Variants in GIGYF2 observed in about 807,000 individuals in gnomAD.
The protein encoded by GIGYF2 is GRB10-interacting GYF protein 2.
Under a neutral mutation model 208.1 loss-of-function variants are expected in GIGYF2, and 25 were observed. The ratio of observed to expected loss-of-function variants is 0.12; its 90% CI spans 0.09 to 0.17. The LOEUF is 0.17. GIGYF2 is among the 10% of genes least tolerant of loss of function. GIGYF2 has a pLI of 1.00. For synonymous variants in GIGYF2, 534 were observed against 543.8 expected, an observed-to-expected ratio of 0.98 and a Z score of 0.25; for missense variants, 1,302 against 1,579.4, an observed-to-expected ratio of 0.82 and a Z score of 2.98.
At chr2:232,827,040 A>G (rs954011335) in intron 21 of GIGYF2, among the ~76,000 whole-genome samples, 1 of 152,154 alleles carries the variant, frequency 6.6e-6, no homozygotes, top group Non-Finnish European at 1.5e-5. Context: ...GATATCATCT[A>G]GGACTTTCTT....
chr2:232,747,131 A>C (rs1698178167), intron 3 of GIGYF2, among the ~76,000 whole-genome samples: 1 of 152,238 alleles, frequency 6.6e-6, no homozygotes, highest in African/African-American at 2.4e-5. Flanking sequence ...CAAATAGATA[A>C]TTAAATAATT....
chr2:232,745,204 A>C (rs1698105728), intron 3 of GIGYF2, among the ~76,000 whole-genome samples: 1 of 152,178 alleles, frequency 6.6e-6, no homozygotes, highest in African/African-American at 2.4e-5. Context: ...ATGACCTCCA[A>C]GCCCAAGAAT....
intron 8 of GIGYF2, among the ~76,000 whole-genome samples, chr2:232,771,918 G>A (rs1270905014): frequency 6.6e-6 from 1 of 152,150 alleles, no homozygotes; most frequent in African/African-American, 2.4e-5. Context: ...GCTTACATTT[G>A]TGGTAAGCTT....
In GIGYF2 at chr2:232,806,733, A is replaced by G. The variant is rs1042098678; in HGVS notation, c.1806+76A>G. The G allele has an allele frequency of 7.2e-6, 7 of 973,092 alleles. No individual in the cohort carries two copies. Among genetic ancestry groups the G allele is most frequent in the Non-Finnish European group, 1.2e-5 (7 of 598,180 alleles). 60.3% of individuals were successfully genotyped at this position (973,092 alleles called of 1,614,324 possible). A position where few individuals can be genotyped will look rare whatever the true frequency, so the allele number is the denominator to read the frequency against. Reference sequence around the variant, plus strand: ...GATTCTCTTTGAAAACACAACCCAAATATATCATCTAATGAAGGAATTGTA... The same window carrying G: ...GATTCTCTTTGAAAACACAACCCAAGTATATCATCTAATGAAGGAATTGTA... On this transcript the variant is annotated intron_variant, in intron 15 of 28. Transcript: ENST00000373563. The surrounding 1 kb of genome is among the most constrained non-coding windows in gnomAD (Gnocchi z 4.0).
chr2:232,759,053 C>T (rs1515961), intron 6 of GIGYF2, among the ~76,000 whole-genome samples: 2 of 151,854 alleles, frequency 1.3e-5, no homozygotes, highest in African/African-American at 4.8e-5. Flanking sequence ...TACTTGCACT[C>T]GTCAAGAGGG....
At chr2:232,841,326 C>T (rs982469236) in intron 23 of GIGYF2, among the ~76,000 whole-genome samples, 9 of 151,988 alleles carry the variant, frequency 5.9e-5, no homozygotes, top group Admixed American at 4.6e-4. Context: ...GACTGAGGCT[C>T]GCTCTGTCAC....
intron 16 of GIGYF2, chr2:232,811,004 A>AT (rs973460676): frequency 1.5e-4 from 70 of 462,148 alleles, no homozygotes; most frequent in African/African-American, 1.3e-3. Context: ...TGAATTGTGA[A>AT]TTTTTTTGCT....
At chr2:232,707,129 A>G (rs573560852) in intron 2 of GIGYF2, among the ~76,000 whole-genome samples, 1 of 152,276 alleles carries the variant, frequency 6.6e-6, no homozygotes, top group South Asian at 2.1e-4. Flanking sequence ...AAGGAGAAGG[A>G]GAAATGTTTA....
chr2:232,846,115 A>G (rs758130220), intron 26 of GIGYF2, among the ~76,000 whole-genome samples: 13 of 152,234 alleles, frequency 8.5e-5, no homozygotes, highest in Non-Finnish European at 1.8e-4. Flanking sequence ...ATGCCATCTT[A>G]GACTGCCTTA....
At chr2:232,725,264 A>G (rs1024738538) in intron 2 of GIGYF2, among the ~76,000 whole-genome samples, 31 of 152,214 alleles carry the variant, frequency 2.0e-4, no homozygotes, top group African/African-American at 7.5e-4. Flanking sequence ...TATGAAATGC[A>G]AAGACTTTTG....
At chr2:232,785,286 G>A (rs1242236922) in intron 8 of GIGYF2, among the ~76,000 whole-genome samples, 2 of 152,140 alleles carry the variant, frequency 1.3e-5, no homozygotes, top group African/African-American at 2.4e-5. Flanking sequence ...GTTTCTGTGG[G>A]TTGGGAATCT....
intron 18 of GIGYF2, among the ~76,000 whole-genome samples, chr2:232,813,711 C>T (rs1700814006): frequency 6.6e-6 from 1 of 152,116 alleles, no homozygotes; most frequent in African/African-American, 2.4e-5. Context: ...GGATGATTGT[C>T]TTCCCTCATC....
chr2:232,786,049 C>T (rs1010058190), intron 8 of GIGYF2, among the ~76,000 whole-genome samples: 8 of 152,150 alleles, frequency 5.3e-5, no homozygotes, highest in Non-Finnish European at 1.2e-4. Flanking sequence ...AATTTGTTTG[C>T]ACAATTTAGA....
intron 8 of GIGYF2, chr2:232,761,711 T>C: frequency 3.5e-6 from 1 of 286,944 alleles, no homozygotes; most frequent in Non-Finnish European, 6.6e-6. Context: ...CTTTTTCTAG[T>C]GTAGATAGCA....
rs141944135 is a variant in GIGYF2, at chr2:232,745,543, C to G, written c.42-2072C>G. ...TACTGTTGGACACTGTTGGAAGGTG[C>G]AAGTGAACCTAGTCGTTATTTTGAA... On this transcript the variant is annotated intron_variant, in intron 3 of 28. Coordinates refer to ENST00000373563, the MANE Select transcript of GIGYF2 (RefSeq NM_001103146.3). Among the ~76,000 whole-genome samples the G allele has an allele frequency of 3.0e-3, 458 of 152,264 alleles. 1 individual carries two copies. The highest frequency in any genetic ancestry group is 0.011 in the African/African-American group (443 of 41,558).
intron 28 of GIGYF2, among the ~76,000 whole-genome samples, chr2:232,854,267 C>T (rs1313335999): frequency 1.3e-5 from 2 of 152,168 alleles, no homozygotes; most frequent in African/African-American, 4.8e-5. Flanking sequence ...CCAGCGTGGG[C>T]GGATTGCTTG....
chr2:232,820,577 G>A (rs1701048651), intron 21 of GIGYF2, among the ~76,000 whole-genome samples: 1 of 151,654 alleles, frequency 6.6e-6, no homozygotes, highest in African/African-American at 2.4e-5. Context: ...GCCTCCCAAA[G>A]TGCTGGGATT....
chr2:232,742,487 G>A (rs993445085), intron 3 of GIGYF2, among the ~76,000 whole-genome samples: 1 of 152,188 alleles, frequency 6.6e-6, no homozygotes, highest in Non-Finnish European at 1.5e-5. Flanking sequence ...GTTGCAGTGA[G>A]CTGAGCTGAG....
At chr2:232,751,808 C>T (rs1164105131) in intron 5 of GIGYF2, among the ~76,000 whole-genome samples, 1 of 152,108 alleles carries the variant, frequency 6.6e-6, no homozygotes, top group Non-Finnish European at 1.5e-5. Context: ...AGTAAGTACA[C>T]AAATCGTTTG....
Sources: allele counts gnomAD v4.1 joint callset (sites outside exome capture counted in the v4.1 genomes callset), GRCh38; gene constraint gnomAD v4.1.1; non-coding constraint Gnocchi (gnomAD v3.1); transcripts MANE v1.5; gene names NCBI Gene and HGNC (gene_info 2026-07-23, HGNC 2026-07-21).